The following DMD variants were observed in gnomAD, a reference collection of about 807,000 sequenced individuals.
The protein encoded by DMD is dystrophin.
DMD carries 63 observed loss-of-function variants against 330.1 expected under a neutral mutation model. That is an observed-to-expected ratio of 0.19 (90% CI 0.16 to 0.24). DMD has a LOEUF of 0.24. Among genes scored for constraint, DMD ranks in the 10% least tolerant of loss-of-function variants. The probability of loss-of-function intolerance (pLI) is 1.00; values close to 1 mark genes in which losing one functional copy is unlikely to be tolerated. For synonymous variants in DMD, 1,223 were observed against 959.8 expected, an observed-to-expected ratio of 1.27 and a Z score of -5.07; for missense variants, 3,344 against 2,684.1, an observed-to-expected ratio of 1.25 and a Z score of -5.43.
At chrX:33,259,161 A>G (rs993609296) in intron 1 of DMD, among the ~76,000 whole-genome samples, 3 of 110,936 alleles carry the variant, frequency 2.7e-5, no homozygotes, top group Non-Finnish European at 5.7e-5. Flanking sequence ...TTTTTTAAAA[A>G]TAGACTTTGT....
At chrX:32,914,141 C>A (rs959701938) in intron 2 of DMD, among the ~76,000 whole-genome samples, 2 of 111,164 alleles carry the variant, frequency 1.8e-5, no homozygotes, top group African/African-American at 6.5e-5. Context: ...ATGCTTAGTC[C>A]CCCCATCAAG....
rs146543659 is a variant in DMD at position 31,182,824 on chromosome X, G to A, written c.9888C>T (p.Pro3296=). The change falls in exon 68 of 79, where the codon CCC becomes CCT. Residue 3296 remains proline (P), a synonymous_variant. Coordinates refer to ENST00000357033, the MANE Select transcript of DMD (RefSeq NM_004006.3). ...CTGCAGCAGCCACTCTGTGCAGGAC[G>A]GGCAGCCACACCATGGACTGGGGTT... ...RLEPQSMVWL[P]VLHRVAAAET... is the part of the protein sequence containing the mutation. The A allele has an allele frequency of 8.8e-5, 106 of 1,205,698 alleles. No individual in the cohort carries two copies. The highest frequency in any genetic ancestry group is 1.5e-4 in the East Asian group (5 of 33,693).
chrX:31,961,275 T>C (rs1374330168), intron 45 of DMD, among the ~76,000 whole-genome samples: 1 of 112,224 alleles, frequency 8.9e-6, no homozygotes, highest in Admixed American at 9.4e-5. Context: ...GGAAATGTGA[T>C]AACATGATAA....
intron 23 of DMD, among the ~76,000 whole-genome samples, chrX:32,466,967 T>C (rs1426782447): frequency 9.0e-6 from 1 of 111,651 alleles, no homozygotes; most frequent in African/African-American, 3.3e-5. Flanking sequence ...AGGAAATGAA[T>C]ACACCTACCT....
At chrX:31,684,918 T>C (rs1385509434) in intron 52 of DMD, among the ~76,000 whole-genome samples, 3 of 112,266 alleles carry the variant, frequency 2.7e-5, no homozygotes, top group African/African-American at 6.5e-5. Flanking sequence ...TTCTAACTTA[T>C]AGAGAGAGAC....
intron 45 of DMD, among the ~76,000 whole-genome samples, chrX:31,950,809 A>G (rs1012765389): frequency 1.8e-5 from 2 of 109,738 alleles, no homozygotes; most frequent in African/African-American, 6.6e-5. Context: ...TTCATTTTTT[A>G]TATGTAAACA....
At chrX:33,025,511 A>C (rs941001339) in intron 1 of DMD, among the ~76,000 whole-genome samples, 1 of 111,493 alleles carries the variant, frequency 9.0e-6, no homozygotes, top group Non-Finnish European at 1.9e-5. Context: ...AAACACTAAC[A>C]ATTATTCCCA....
chrX:31,552,070 A>G (rs1287313831), intron 55 of DMD, among the ~76,000 whole-genome samples: 2 of 112,718 alleles, frequency 1.8e-5, no homozygotes, highest in African/African-American at 6.4e-5. Flanking sequence ...GATTGTAAAT[A>G]GTATCTGAAT....
chrX:32,364,573 A>T lies in DMD; in HGVS notation c.5154+9T>A, dbSNP rs201165272. 2 of 1,210,113 alleles carry T rather than the reference A, an allele frequency of 1.7e-6. No individual in the cohort carries two copies. Among genetic ancestry groups the T allele is most frequent in the East Asian group, 5.9e-5 (2 of 33,743 alleles). On this transcript the variant is annotated intron_variant, in intron 36 of 78. Transcript: ENST00000357033. ...ATTTGGACATTACTTTTCATATTTT[A>T]TTTGCTACCTTAAGCACGTCTTCTT...
At chrX:33,082,241 T>C (rs59891401) in intron 1 of DMD, among the ~76,000 whole-genome samples, 3,431 of 112,104 alleles carry the variant, frequency 0.031, 125 homozygotes, top group African/African-American at 0.1. Flanking sequence ...CTTTTAACCA[T>C]AGTGCTCTTT....
intron 30 of DMD, among the ~76,000 whole-genome samples, chrX:32,400,360 A>C (rs941647749): frequency 1.5e-3 from 169 of 111,381 alleles, no homozygotes; most frequent in Non-Finnish European, 2.1e-3. Flanking sequence ...TTCGTTTTGC[A>C]AGTATTTTAT....
intron 33 of DMD, among the ~76,000 whole-genome samples, chrX:32,382,263 G>A (rs2097929224): frequency 9.0e-6 from 1 of 111,434 alleles, no homozygotes; most frequent in African/African-American, 3.2e-5. Context: ...AATGGAATTG[G>A]TTAAAACAAT....
At chrX:32,224,413 T>A (rs896993537) in intron 43 of DMD, among the ~76,000 whole-genome samples, 6 of 111,184 alleles carry the variant, frequency 5.4e-5, no homozygotes, top group Non-Finnish European at 1.1e-4. Flanking sequence ...ATATACTTTT[T>A]TCCTAAGCAG....
chrX:31,989,172 G>C (rs1313809658), intron 44 of DMD, among the ~76,000 whole-genome samples: 1 of 111,520 alleles, frequency 9.0e-6, no homozygotes, highest in African/African-American at 3.3e-5. Context: ...GAGAACAATC[G>C]GCTTTGCTCC....
chrX:32,023,991 C>T lies in DMD; in HGVS notation c.6439-55477G>A, dbSNP rs957957704. ...TTGAAGAACTAGTGGTTACCATGCT[C>T]GCTACCTGGGTGGTGGGATCATTCA... On this transcript the variant is annotated intron_variant, in intron 44 of 78. Transcript: ENST00000357033. 7.2e-5 allele frequency among the ~76,000 whole-genome samples: 8 copies of T among 111,370 alleles called. 1 individual carries two copies. The highest frequency in any genetic ancestry group is 5.7e-4 in the Admixed American group (6 of 10,490).
intron 29 of DMD, among the ~76,000 whole-genome samples, chrX:32,419,832 A>T (rs987750827): frequency 1.8e-5 from 2 of 110,748 alleles, no homozygotes; most frequent in African/African-American, 3.3e-5. Flanking sequence ...GAATCATTTT[A>T]TCAATGGAAC....
intron 2 of DMD, among the ~76,000 whole-genome samples, chrX:32,930,640 T>A (rs745594499): frequency 1.8e-4 from 20 of 110,693 alleles, no homozygotes; most frequent in Admixed American, 6.8e-4. Context: ...TCCCAGATAC[T>A]ATGAAATTAC....
intron 2 of DMD, among the ~76,000 whole-genome samples, chrX:33,009,025 TAC>T (rs1447647242): frequency 2.0e-5 from 2 of 99,016 alleles, no homozygotes; most frequent in Non-Finnish European, 4.1e-5. Flanking sequence ...CACGTATATA[TAC>T]ACATGTGTGT....
intron 1 of DMD, among the ~76,000 whole-genome samples, chrX:33,264,289 T>G (rs1263475025): frequency 1.8e-5 from 2 of 111,334 alleles, no homozygotes; most frequent in African/African-American, 6.5e-5. Context: ...TAAAACTTCA[T>G]GTACCTTTCA....
Sources: gnomAD v4.1 joint callset for allele counts (sites outside exome capture counted in the v4.1 genomes callset) on GRCh38, gnomAD v4.1.1 for gene constraint, MANE v1.5 for transcripts, NCBI Gene and HGNC (gene_info 2026-07-23, HGNC 2026-07-21) for gene names.